The following KCNH7 variants were observed in gnomAD, a reference collection of about 807,000 sequenced individuals.
KCNH7 encodes potassium voltage-gated channel subfamily H member 7.
KCNH7 carries 49 observed loss-of-function variants against 120.8 expected under a neutral mutation model. That is an observed-to-expected ratio of 0.41 (90% confidence interval 0.32 to 0.51). The LOEUF (loss-of-function observed/expected upper bound fraction) is 0.51, where lower values mean the gene tolerates loss of function less well. KCNH7 is among the 20% of genes least tolerant of loss of function. The probability of loss-of-function intolerance (pLI) is 0.38; values close to 1 mark genes in which losing one functional copy is unlikely to be tolerated. For synonymous variants in KCNH7, 547 were observed against 516.1 expected (o/e 1.06, Z -0.81); for missense variants, 1,097 against 1,446.6 (o/e 0.76, Z 3.92).
At chr2:162,589,405 T>TTG (rs141592943) in intron 2 of KCNH7, among the ~76,000 whole-genome samples, 15 of 151,792 alleles carry the variant, frequency 9.9e-5, no homozygotes, top group South Asian at 2.1e-4. Flanking sequence ...GTGTTTGTGT[T>TTG]TGTGTGTGTG....
chr2:162,561,132 T>C (rs1220197216), intron 2 of KCNH7, among the ~76,000 whole-genome samples: 1 of 152,126 alleles, frequency 6.6e-6, no homozygotes, highest in African/African-American at 2.4e-5. Context: ...GCTCAGTAGA[T>C]TTCTCTGAAA....
chr2:162,372,236 A>C (rs528400457), intron 15 of KCNH7, 141 bp from the exon 16 acceptor site: 128 of 688,404 alleles, frequency 1.9e-4, no homozygotes, highest in Non-Finnish European at 2.7e-4. Context: ...TTTCCCTCCT[A>C]AAATGAGTCA....
intron 9 of KCNH7, among the ~76,000 whole-genome samples, chr2:162,410,692 C>T (rs1687365587): frequency 6.6e-6 from 1 of 152,034 alleles, no homozygotes; most frequent in Admixed American, 6.6e-5. Flanking sequence ...TATTTGCACA[C>T]TGTGCATCTG....
At chr2:162,820,256 T>TC (rs1685071196) in intron 2 of KCNH7, among the ~76,000 whole-genome samples, 1 of 148,504 alleles carries the variant, frequency 6.7e-6, no homozygotes, top group Non-Finnish European at 1.5e-5. Flanking sequence ...TGTGTGTGTT[T>TC]AGTAGAGACG....
intron 2 of KCNH7, among the ~76,000 whole-genome samples, chr2:162,657,411 T>C (rs1309356458): frequency 6.6e-6 from 1 of 152,196 alleles, no homozygotes; most frequent in African/African-American, 2.4e-5. Context: ...CATCTCACAG[T>C]ATGTAACCTT....
At chr2:162,803,414 T>C (rs1419974143) in intron 2 of KCNH7, among the ~76,000 whole-genome samples, 2 of 151,720 alleles carry the variant, frequency 1.3e-5, no homozygotes, top group African/African-American at 4.8e-5. Context: ...TTTAATGTAT[T>C]ATAACATTGG....
At position 162,667,105 on chromosome 2, in the gene KCNH7, G is replaced by C. The variant is rs1390511368; in HGVS notation, c.308-130025C>G. On this transcript the variant is annotated intron_variant, in intron 2 of 15. Transcript: ENST00000332142. ...CACAATCATGGCCCACTGCAGCCTC[G>C]ACCTCCCGGGCTCAAGCGATCTTCA... 2.1e-5 allele frequency among the ~76,000 whole-genome samples: 3 copies of C among 144,926 alleles called. No homozygotes were observed. The East Asian group carries it at 6.2e-4, about 30-fold the overall frequency.
At position 162,396,842 on chromosome 2, in the gene KCNH7, C is replaced by T. The variant is rs748950726; in HGVS notation, c.2511G>A (p.Gln837=). 1 of 1,611,856 alleles carries T rather than the reference C, an allele frequency of 6.2e-7. No homozygotes were observed. Among genetic ancestry groups the T allele is most frequent in the South Asian group, 1.1e-5 (1 of 91,032 alleles). Reference sequence around the variant, plus strand: ...CCAAAACCTCTAACAAGTCTTCTCGCTGAATCTTATGCAAGTCACAGTATG... The same window carrying T: ...CCAAAACCTCTAACAAGTCTTCTCGTTGAATCTTATGCAAGTCACAGTATG... ...ALTYCDLHKI[Q]REDLLEVLDM... Residue 837 remains glutamine (Q), a synonymous_variant, in exon 11 of 16, where the codon CAG becomes CAA. Transcript: ENST00000332142.
chr2:162,700,746 A>G (rs895958128), intron 2 of KCNH7, among the ~76,000 whole-genome samples: 3 of 152,306 alleles, frequency 2.0e-5, no homozygotes, highest in African/African-American at 7.2e-5. Flanking sequence ...TTTTTCCTTA[A>G]CATTTAAGAA....
chr2:162,615,203 A>G (rs1559045408), intron 2 of KCNH7, among the ~76,000 whole-genome samples: 1 of 152,198 alleles, frequency 6.6e-6, no homozygotes, highest in Non-Finnish European at 1.5e-5. Flanking sequence ...ATCAGTGTGC[A>G]GGGAGCCTGT....
chr2:162,774,133 C>A (rs1161636212), intron 2 of KCNH7, among the ~76,000 whole-genome samples: 1 of 151,926 alleles, frequency 6.6e-6, no homozygotes, highest in Admixed American at 6.6e-5. Flanking sequence ...TCATATAAAG[C>A]CTTTCAGATC....
chr2:162,504,346 C>T (rs1449960475), intron 6 of KCNH7, 97 bp downstream of exon 6: 6 of 891,658 alleles, frequency 6.7e-6, no homozygotes, highest in African/African-American at 3.3e-5. Flanking sequence ...AAATGTCTTA[C>T]CTCTACCGAC....
intron 7 of KCNH7, among the ~76,000 whole-genome samples, chr2:162,442,818 T>A (rs990330033): frequency 6.6e-6 from 1 of 152,194 alleles, no homozygotes; most frequent in Non-Finnish European, 1.5e-5. Context: ...ATCACACCAC[T>A]GCACACTAGC....
At chr2:162,494,932 T>A (rs1266690011) in intron 6 of KCNH7, among the ~76,000 whole-genome samples, 1 of 152,192 alleles carries the variant, frequency 6.6e-6, no homozygotes, top group African/African-American at 2.4e-5. Context: ...TAAAATGTTG[T>A]TGATCCTTGT....
intron 2 of KCNH7, among the ~76,000 whole-genome samples, chr2:162,728,815 G>T (rs543943221): frequency 6.6e-6 from 1 of 152,124 alleles, no homozygotes; most frequent in Non-Finnish European, 1.5e-5. Context: ...ATGAAGCCAA[G>T]TTATCAAATA....
At chr2:162,752,817 C>G (rs181410048) in intron 2 of KCNH7, among the ~76,000 whole-genome samples, 492 of 150,190 alleles carry the variant, frequency 3.3e-3, no homozygotes, top group Non-Finnish European at 5.4e-3. Context: ...AGGAGAATCA[C>G]TTGAACCCAG....
intron 9 of KCNH7, among the ~76,000 whole-genome samples, chr2:162,422,511 G>T (rs543598022): frequency 6.6e-6 from 1 of 152,192 alleles, no homozygotes; most frequent in Admixed American, 6.5e-5. Context: ...TCTACGATAT[G>T]TCATAGAATT....
intron 6 of KCNH7, among the ~76,000 whole-genome samples, chr2:162,472,938 G>A (rs113429963): frequency 1.3e-5 from 2 of 152,220 alleles, no homozygotes; most frequent in African/African-American, 4.8e-5. Context: ...GGATGAAGCT[G>A]GAAACCATCA....
At chr2:162,486,648 G>A (rs558622222) in intron 6 of KCNH7, among the ~76,000 whole-genome samples, 1 of 152,110 alleles carries the variant, frequency 6.6e-6, no homozygotes, top group South Asian at 2.1e-4. Context: ...TCTATCTCAA[G>A]CTTTTCTTTT....
Sources: allele counts gnomAD v4.1 joint callset (sites outside exome capture counted in the v4.1 genomes callset), GRCh38; gene constraint gnomAD v4.1.1; transcripts MANE v1.5; gene names NCBI Gene and HGNC (gene_info 2026-07-23, HGNC 2026-07-21).